TGFBRAP1: variants seen among roughly 807,000 people sequenced by gnomAD.
The protein encoded by TGFBRAP1 is transforming growth factor beta receptor associated protein 1, also known as transforming growth factor-beta receptor-associated protein 1.
Under a neutral mutation model 83.2 loss-of-function variants are expected in TGFBRAP1, and 20 were observed. The ratio of observed to expected loss-of-function variants is 0.24; its 90% CI spans 0.17 to 0.35. The LOEUF is 0.35. Among genes scored for constraint, TGFBRAP1 ranks in the 10% least tolerant of loss-of-function variants. The pLI is 1.00. For missense variants in TGFBRAP1, 950 were observed against 1,099.4 expected (o/e 0.86, Z 1.92); for synonymous variants, 415 against 459.8 (o/e 0.90, Z 1.25).
downstream of TGFBRAP1, among the ~76,000 whole-genome samples, chr2:105,260,695 A>G (rs1442938934): frequency 6.8e-6 from 1 of 148,002 alleles, no homozygotes; most frequent in Non-Finnish European, 1.5e-5. Flanking sequence ...AACAATGTAA[A>G]TGTATTTATG....
At chr2:105,290,551 C>T (rs11886720) in intron 4 of TGFBRAP1, among the ~76,000 whole-genome samples, 2,696 of 150,000 alleles carry the variant, frequency 0.018, 89 homozygotes, top group African/African-American at 0.063. Flanking sequence ...TTTTGCCATG[C>T]AGGATGTGTA....
chr2:105,326,726 GA>G (rs1054124954), intron 1 of TGFBRAP1, among the ~76,000 whole-genome samples: 21 of 148,206 alleles, frequency 1.4e-4, no homozygotes, highest in East Asian at 9.8e-4. Flanking sequence ...CTCAAAAAAA[GA>G]AAAAAAAAAT....
chr2:105,326,201 T>A lies in TGFBRAP1; in HGVS notation c.-18+3424A>T, dbSNP rs550844117. Among the ~76,000 whole-genome samples the A allele has an allele frequency of 9.2e-5, 14 of 152,342 alleles. No homozygotes were observed. In the South Asian group the frequency reaches 2.7e-3, roughly 29 times the overall value. ...ATATATTTATATACACACACATATA[T>A]ACACATACTATATATGGTGTGTGTA... On this transcript the variant is annotated intron_variant, in intron 1 of 11. Transcript: ENST00000393359.
chr2:105,319,486 G>A (rs940182337), intron 1 of TGFBRAP1, among the ~76,000 whole-genome samples: 16 of 149,736 alleles, frequency 1.1e-4, no homozygotes, highest in African/African-American at 3.9e-4. Context: ...GAGGTCAGGA[G>A]TTTGAGACCA....
intron 1 of TGFBRAP1, among the ~76,000 whole-genome samples, chr2:105,320,964 A>T (rs17638420): frequency 0.048 from 7,328 of 152,312 alleles, 206 homozygotes; most frequent in Middle Eastern, 0.075. Flanking sequence ...ATCTGTCGCT[A>T]GTCCATATGA....
chr2:105,302,009 T>TAAAAAAAAA (rs35548542), intron 2 of TGFBRAP1, among the ~76,000 whole-genome samples: 1 of 75,110 alleles, frequency 1.3e-5, no homozygotes, highest in Non-Finnish European at 2.6e-5. Flanking sequence ...TAAAGAATAC[T>TAAAAAAAAA]AAAAAAAAAA....
chr2:105,259,173 T>G, the TGFBRAP1 span, among the ~76,000 whole-genome samples: 7 of 151,980 alleles, frequency 4.6e-5, no homozygotes, highest in Non-Finnish European at 1.0e-4. Context: ...GCAATGCAGG[T>G]GTGGAAATAT....
At chr2:105,321,168 AT>A (rs1201390115) in intron 1 of TGFBRAP1, among the ~76,000 whole-genome samples, 73 of 150,232 alleles carry the variant, frequency 4.9e-4, no homozygotes, top group Admixed American at 7.9e-4. Flanking sequence ...TTATTTATTT[AT>A]TTTTTTTTTT....
intron 2 of TGFBRAP1, among the ~76,000 whole-genome samples, chr2:105,302,077 G>A (rs1678319213): frequency 6.7e-6 from 1 of 148,924 alleles, no homozygotes; most frequent in Admixed American, 6.7e-5. Context: ...AATGTAAATG[G>A]CTTTTAAACG....
chr2:105,290,515 C>T (rs537844513), intron 4 of TGFBRAP1, among the ~76,000 whole-genome samples: 1 of 151,520 alleles, frequency 6.6e-6, no homozygotes. Flanking sequence ...TCCTAATGTG[C>T]TATTTTTCTT....
downstream of TGFBRAP1, among the ~76,000 whole-genome samples, chr2:105,259,736 G>A (rs79431080): frequency 8.5e-3 from 1,297 of 152,324 alleles, 15 homozygotes; most frequent in African/African-American, 0.023. Context: ...ACATTTTCCT[G>A]TAAGTTAGTC....
At chr2:105,300,163 A>G (rs1036824203) in intron 2 of TGFBRAP1, among the ~76,000 whole-genome samples, 4 of 152,156 alleles carry the variant, frequency 2.6e-5, no homozygotes, top group African/African-American at 9.7e-5. Flanking sequence ...CTGTCATAGG[A>G]CAGGGTTTAA....
At position 105,317,478 on chromosome 2, in the gene TGFBRAP1, C is replaced by T. The variant is rs189386106; in HGVS notation, c.-17-9160G>A. On this transcript the variant is annotated intron_variant, in intron 1 of 11. Coordinates refer to ENST00000393359, the MANE Select transcript of TGFBRAP1 (RefSeq NM_004257.6). ...AGCTAGATTCCTACCTCACACCACA[C>T]ATCAAAATTATTCCAGGTGATTAAT... Among the ~76,000 whole-genome samples the T allele has an allele frequency of 9.9e-5, 15 of 150,790 alleles. No individual in the cohort carries two copies. In the East Asian group the frequency reaches 2.5e-3, roughly 25 times the overall value.
downstream of TGFBRAP1, among the ~76,000 whole-genome samples, chr2:105,261,031 T>C (rs549513498): frequency 1.3e-5 from 2 of 152,304 alleles, 1 homozygote; most frequent in Admixed American, 1.3e-4. Context: ...GTTAAGAAAG[T>C]AAGTTTAGGA....
chr2:105,280,962 A>T (rs1474672030), intron 5 of TGFBRAP1, among the ~76,000 whole-genome samples: 1 of 152,162 alleles, frequency 6.6e-6, no homozygotes, highest in Non-Finnish European at 1.5e-5. Flanking sequence ...AAAGACACAT[A>T]CAGAACTGGT....
chr2:105,272,191 T>C (rs1383597772), intron 10 of TGFBRAP1, among the ~76,000 whole-genome samples: 1 of 152,216 alleles, frequency 6.6e-6, no homozygotes, highest in Non-Finnish European at 1.5e-5. Flanking sequence ...GCAAGCACCA[T>C]GCTGCGCTGT....
At chr2:105,281,902 G>C (rs1677551066) in intron 5 of TGFBRAP1, among the ~76,000 whole-genome samples, 1 of 151,966 alleles carries the variant, frequency 6.6e-6, no homozygotes. Context: ...GCATCTAGTA[G>C]GTAGAGGCCA....
chr2:105,296,351 C>T lies in TGFBRAP1; in HGVS notation c.1038+5G>A. On this transcript the variant is annotated splice_donor_5th_base_variant and intron_variant, in intron 4 of 11. Coordinates refer to ENST00000393359, the MANE Select transcript of TGFBRAP1 (RefSeq NM_004257.6). ...GCATATTTCTGTGACCAGTTAATTA[C>T]AAACCTGAAATTTTTCCTTTGGAAT... 2 of 1,613,466 alleles carry T rather than the reference C, an allele frequency of 1.2e-6. No individual in the cohort carries two copies. The highest frequency in any genetic ancestry group is 1.7e-5 in the Admixed American group (1 of 59,782).
At chr2:105,276,332 G>T (rs1447794901) in intron 7 of TGFBRAP1, among the ~76,000 whole-genome samples, 1 of 152,132 alleles carries the variant, frequency 6.6e-6, no homozygotes, top group Non-Finnish European at 1.5e-5. Context: ...GCATCACTTG[G>T]GGGTAGAAAG....
Sources: gnomAD v4.1 joint callset for allele counts (sites outside exome capture counted in the v4.1 genomes callset) on GRCh38, gnomAD v4.1.1 for gene constraint, MANE v1.5 for transcripts, NCBI Gene and HGNC (gene_info 2026-07-23, HGNC 2026-07-21) for gene names.